The following DLGAP2 variants were observed in gnomAD, a reference collection of about 807,000 sequenced individuals.
DLGAP2 encodes the protein disks large-associated protein 2.
DLGAP2 carries 26 observed loss-of-function variants against 100.3 expected under a neutral mutation model. The observed-to-expected ratio is 0.26, with a 90% CI of 0.19 to 0.36. The LOEUF is 0.36. Ranked by LOEUF, DLGAP2 falls within the 10% of genes least tolerant of loss-of-function variation. The pLI is 1.00. For synonymous variants in DLGAP2, 886 were observed against 630.1 expected (o/e 1.41, Z -6.08); for missense variants, 1,858 against 1,453.2 (o/e 1.28, Z -4.53).
chr8:1,581,180 C>G (rs1156983905), intron 6 of DLGAP2, among the ~76,000 whole-genome samples: 1 of 151,562 alleles, frequency 6.6e-6, no homozygotes, highest in Non-Finnish European at 1.5e-5. Flanking sequence ...AGACAAAACC[C>G]CACACACATC....
chr8:1,492,119 T>A (rs1799407007), intron 3 of DLGAP2, among the ~76,000 whole-genome samples: 1 of 152,236 alleles, frequency 6.6e-6, no homozygotes, highest in South Asian at 2.1e-4. Context: ...TGGTAAAAAT[T>A]CTGCAGACTT....
At chr8:828,680 A>G (rs1796726494) in intron 1 of DLGAP2, among the ~76,000 whole-genome samples, 1 of 152,236 alleles carries the variant, frequency 6.6e-6, no homozygotes, top group Non-Finnish European at 1.5e-5. Flanking sequence ...GGAAATCACA[A>G]GGGTACTGAT....
At position 996,457 on chromosome 8, in the gene DLGAP2, G is replaced by A. The variant is rs139766032; in HGVS notation, c.73+88491G>A. ...GCCGTTCTGGAGGCTGCTGGCTCCCGTGCTGAAGGAACATTGTGTTAGGGT... is the reference window on the plus strand; with the variant it reads ...GCCGTTCTGGAGGCTGCTGGCTCCCATGCTGAAGGAACATTGTGTTAGGGT... On this transcript the variant is annotated intron_variant, in intron 2 of 14. Coordinates refer to ENST00000637795, the MANE Select transcript of DLGAP2 (RefSeq NM_001346810.2). Among the ~76,000 whole-genome samples, 676 of 152,246 alleles carry A rather than the reference G, an allele frequency of 4.4e-3. 7 individuals are homozygous for A. Among genetic ancestry groups the A allele is most frequent in the African/African-American group, 0.016 (644 of 41,544 alleles).
chr8:1,041,722 T>C (rs1802355620), intron 2 of DLGAP2, among the ~76,000 whole-genome samples: 1 of 138,184 alleles, frequency 7.2e-6, no homozygotes, highest in African/African-American at 2.7e-5. Context: ...GTGAGTGTTC[T>C]CCGAGCCCCT....
chr8:1,324,408 C>T (rs1353611067), intron 3 of DLGAP2, among the ~76,000 whole-genome samples: 2 of 152,290 alleles, frequency 1.3e-5, no homozygotes, highest in Admixed American at 6.5e-5. Flanking sequence ...TTCAGCTGGC[C>T]TTTATAAAAT....
chr8:1,199,594 C>T (rs1283465730), intron 2 of DLGAP2, among the ~76,000 whole-genome samples: 1 of 152,142 alleles, frequency 6.6e-6, no homozygotes, highest in Admixed American at 6.5e-5. Flanking sequence ...CGGGAAACAC[C>T]ATCTTCATGA....
intron 2 of DLGAP2, among the ~76,000 whole-genome samples, chr8:970,382 GAC>G (rs1409209383): frequency 1.3e-5 from 2 of 152,174 alleles, no homozygotes; most frequent in African/African-American, 4.8e-5. Flanking sequence ...AACCTACAAA[GAC>G]ACATATACAC....
intron 8 of DLGAP2, among the ~76,000 whole-genome samples, chr8:1,637,960 G>A (rs1458752449): frequency 1.3e-5 from 2 of 152,218 alleles, no homozygotes; most frequent in African/African-American, 4.8e-5. Context: ...CAGGGAGAGG[G>A]AGGTGCCAGC....
chr8:966,117 G>T (rs1433191208), intron 2 of DLGAP2, among the ~76,000 whole-genome samples: 1 of 152,198 alleles, frequency 6.6e-6, no homozygotes. Flanking sequence ...GCTGAGACCA[G>T]AGCAGGGGCA....
chr8:778,599 C>T (rs535800460), intron 1 of DLGAP2, among the ~76,000 whole-genome samples: 7 of 152,078 alleles, frequency 4.6e-5, no homozygotes, highest in Non-Finnish European at 1.0e-4. Context: ...TTTGGAGTAC[C>T]CTGCCCTGTG....
chr8:1,582,811 TG>T (rs1404745379), intron 6 of DLGAP2, among the ~76,000 whole-genome samples: 3 of 152,166 alleles, frequency 2.0e-5, no homozygotes, highest in Non-Finnish European at 2.9e-5. Flanking sequence ...TTGGCCAGAC[TG>T]GTCTCAAACT....
chr8:1,148,989 T>C (rs182974105), intron 2 of DLGAP2, among the ~76,000 whole-genome samples: 151 of 152,358 alleles, frequency 9.9e-4, no homozygotes, highest in Non-Finnish European at 1.7e-3. Flanking sequence ...GATTAATTTA[T>C]GTGCTTAATT....
intron 1 of DLGAP2, among the ~76,000 whole-genome samples, chr8:897,481 A>G (rs1205398620): frequency 1.3e-5 from 2 of 152,188 alleles, no homozygotes; most frequent in Non-Finnish European, 2.9e-5. Flanking sequence ...CAGTTGTAAA[A>G]ATTGTTGTGC....
chr8:1,605,126 A>G (rs1325626446), intron 6 of DLGAP2, among the ~76,000 whole-genome samples: 2 of 152,066 alleles, frequency 1.3e-5, no homozygotes, highest in Non-Finnish European at 2.9e-5. Flanking sequence ...AGGCACCATC[A>G]TTGCTTCCAC....
At chr8:773,170 G>A (rs545571473) in intron 1 of DLGAP2, among the ~76,000 whole-genome samples, 11 of 152,286 alleles carry the variant, frequency 7.2e-5, no homozygotes, top group Admixed American at 3.3e-4. Flanking sequence ...CAGTCAATGC[G>A]TCAGCAGGGC....
At chr8:1,223,840 A>G (rs1016943362) in intron 2 of DLGAP2, among the ~76,000 whole-genome samples, 5 of 152,244 alleles carry the variant, frequency 3.3e-5, no homozygotes, top group African/African-American at 1.2e-4. Flanking sequence ...CATATGCTCT[A>G]TATGTGTATA....
chr8:886,086 T>C (rs926874087), intron 1 of DLGAP2, among the ~76,000 whole-genome samples: 1 of 152,240 alleles, frequency 6.6e-6, no homozygotes, highest in Non-Finnish European at 1.5e-5. Flanking sequence ...GAGCTGTTAT[T>C]GTTCCATTCA....
At chr8:1,620,093 T>C (rs1324583004) in intron 6 of DLGAP2, among the ~76,000 whole-genome samples, 4 of 152,220 alleles carry the variant, frequency 2.6e-5, no homozygotes, top group African/African-American at 7.2e-5. Context: ...GCCTGTCCTC[T>C]CTGCTGTTCC....
At chr8:1,440,346 T>G (rs1797794618) in intron 3 of DLGAP2, among the ~76,000 whole-genome samples, 1 of 152,218 alleles carries the variant, frequency 6.6e-6, no homozygotes, top group Non-Finnish European at 1.5e-5. Flanking sequence ...GGAGTCAATA[T>G]TTTATACATT....
Sources: gnomAD v4.1 joint callset for allele counts (sites outside exome capture counted in the v4.1 genomes callset) on GRCh38, gnomAD v4.1.1 for gene constraint, MANE v1.5 for transcripts, NCBI Gene and HGNC (gene_info 2026-07-23, HGNC 2026-07-21) for gene names.